Variants in MTCL1 observed in about 807,000 individuals in gnomAD.
MTCL1 encodes the protein microtubule crosslinking factor 1.
A neutral mutation model predicts 141.4 loss-of-function variants in MTCL1; 79 were observed. That is an observed-to-expected ratio of 0.56 (90% CI 0.47 to 0.67). The LOEUF (loss-of-function observed/expected upper bound fraction) is 0.67. Among genes scored for constraint, MTCL1 ranks in the 30% least tolerant of loss-of-function variants. MTCL1 has a pLI of 0.00. For synonymous variants in MTCL1, 914 were observed against 875.8 expected (o/e 1.04, Z -0.77); for missense variants, 2,177 against 2,113.9 (o/e 1.03, Z -0.59).
Position 8,779,002 on chromosome 18 carries a change from T to C in MTCL1, c.417+1110T>C, listed in dbSNP as rs1357192712. Among the ~76,000 whole-genome samples, 1 of 151,768 alleles carries C rather than the reference T, an allele frequency of 6.6e-6. No individual in the cohort carries two copies. The highest frequency in any genetic ancestry group is 1.9e-4 in the East Asian group (1 of 5,162). ...TGCGTTGAGCCGCCCACCCAGCCGG[T>C]GGGATTATTGAGGAAGGAGTTTCTG... On this transcript the variant is annotated intron_variant, in intron 5 of 16. Transcript: ENST00000359865. The surrounding 1 kb of genome is among the most constrained non-coding windows in gnomAD (Gnocchi z 4.1).
exon 6 of MTCL1, chr18:8,783,579 C>A (rs755811101): frequency 1.2e-6 from 2 of 1,612,308 alleles, no homozygotes; most frequent in African/African-American, 1.3e-5. Flanking sequence ...AAAGAGGAAG[C>A]CTTCCTGATG....
chr18:8,751,438 A>G (rs1027381188), intron 4 of MTCL1, among the ~76,000 whole-genome samples: 1 of 152,222 alleles, frequency 6.6e-6, no homozygotes, highest in East Asian at 1.9e-4. Context: ...GTTACTGCTC[A>G]AAAGTGGGCC....
At chr18:8,706,563 T>A in exon 1 of MTCL1, 1 of 1,417,452 alleles carries the variant, frequency 7.1e-7, no homozygotes, top group Non-Finnish European at 9.2e-7. Context: ...TGGCGGAGGA[T>A]GTCCGGGGGC....
exon 13 of MTCL1, chr18:8,819,158 G>A (rs769598700): frequency 1.2e-6 from 2 of 1,614,212 alleles, no homozygotes; most frequent in South Asian, 2.2e-5. Flanking sequence ...CAGGTGCTCG[G>A]CCAGTGAGAA....
At chr18:8,794,962 C>T (rs2075864645) in intron 8 of MTCL1, among the ~76,000 whole-genome samples, 2 of 152,220 alleles carry the variant, frequency 1.3e-5, no homozygotes, top group Non-Finnish European at 2.9e-5. Flanking sequence ...AAAAAGACCA[C>T]GTTGCCTTAT....
At chr18:8,786,267 G>A (rs902729886) in intron 7 of MTCL1, 176 bp downstream of exon 6, 3 of 769,940 alleles carry the variant, frequency 3.9e-6, no homozygotes, top group Non-Finnish European at 6.7e-6. Context: ...ACAGGCAGGT[G>A]TGCGCAGGTG....
chr18:8,736,222 C>T (rs912195255), intron 4 of MTCL1, among the ~76,000 whole-genome samples: 2 of 152,130 alleles, frequency 1.3e-5, no homozygotes, highest in African/African-American at 4.8e-5. Flanking sequence ...AACATGCAGC[C>T]TGATTTCAGA....
At chr18:8,713,703 G>A (rs1328651361), upstream of MTCL1, among the ~76,000 whole-genome samples, 1 of 152,130 alleles carries the variant, frequency 6.6e-6, no homozygotes, top group Non-Finnish European at 1.5e-5. Context: ...TGAAACACTG[G>A]CCCTGGTCCT....
At chr18:8,788,961 A>C (rs925985105) in intron 7 of MTCL1, among the ~76,000 whole-genome samples, 1 of 152,200 alleles carries the variant, frequency 6.6e-6, no homozygotes, top group African/African-American at 2.4e-5. Flanking sequence ...ATCAAATGTG[A>C]GACAATCACA....
intron 4 of MTCL1, among the ~76,000 whole-genome samples, chr18:8,769,209 T>C (rs1005977432): frequency 1.3e-5 from 2 of 152,232 alleles, no homozygotes; most frequent in African/African-American, 4.8e-5. Context: ...CTGTAGGGGT[T>C]TCTCAAATGT....
chr18:8,801,241 C>T (rs1435362617), intron 10 of MTCL1, among the ~76,000 whole-genome samples: 1 of 152,022 alleles, frequency 6.6e-6, no homozygotes, highest in East Asian at 1.9e-4. Context: ...TTTGCTTGCC[C>T]AAGATGAAAA....
chr18:8,742,685 C>T (rs1015395803), intron 4 of MTCL1, among the ~76,000 whole-genome samples: 6 of 152,286 alleles, frequency 3.9e-5, no homozygotes, highest in South Asian at 2.1e-4. Flanking sequence ...ACCACATCAC[C>T]GTCGTTTCCT....
chr18:8,825,257 T>G lies in MTCL1; in HGVS notation c.3747T>G (p.Tyr1249Ter), dbSNP rs1459356158. The change falls in exon 15 of 17, where the codon TAT becomes TAG. Residue 1249 changes from tyrosine (Y) to a stop codon, truncating the protein, a stop_gained. Transcript: ENST00000359865. LOFTEE classifies it high-confidence loss of function. ...CCTCCCCCAGGCACTCCCGGGACTA[T>G]GTGGAGGGGGCACGGCGCCCCCTTG... The G allele has an allele frequency of 6.3e-7, 1 of 1,587,946 alleles. No individual in the cohort carries two copies. Among genetic ancestry groups the G allele is most frequent in the East Asian group, 2.2e-5 (1 of 44,720 alleles).
intron 7 of MTCL1, chr18:8,789,751 A>T: frequency 2.1e-6 from 2 of 962,936 alleles, no homozygotes; most frequent in Non-Finnish European, 2.5e-6. Flanking sequence ...GGTTTTTTTT[A>T]GAATCAAACC....
intron 4 of MTCL1, among the ~76,000 whole-genome samples, chr18:8,740,975 A>T (rs1208880115): frequency 6.6e-6 from 1 of 152,208 alleles, no homozygotes; most frequent in Non-Finnish European, 1.5e-5. Context: ...TTTGCCTCTT[A>T]GGTCTTCTCA....
At chr18:8,805,833 A>C (rs2144096169) in intron 10 of MTCL1, among the ~76,000 whole-genome samples, 1 of 152,280 alleles carries the variant, frequency 6.6e-6, no homozygotes, top group Admixed American at 6.5e-5. Context: ...GTTGGAAGAG[A>C]TGGGCTCACG....
At chr18:8,714,132 T>C (rs1314079467), upstream of MTCL1, among the ~76,000 whole-genome samples, 4 of 152,240 alleles carry the variant, frequency 2.6e-5, no homozygotes, top group African/African-American at 9.6e-5. Flanking sequence ...TTGTTTCATT[T>C]GTCCAGGTTG....
chr18:8,758,801 A>G (rs768962440), intron 4 of MTCL1, among the ~76,000 whole-genome samples: 12 of 152,302 alleles, frequency 7.9e-5, no homozygotes, highest in Non-Finnish European at 1.6e-4. Flanking sequence ...AAGGAAACAA[A>G]ACTATTGTTG....
chr18:8,737,735 C>G (rs2096281536), intron 4 of MTCL1, among the ~76,000 whole-genome samples: 1 of 152,144 alleles, frequency 6.6e-6, no homozygotes, highest in Non-Finnish European at 1.5e-5. Flanking sequence ...GAAAGTAGCC[C>G]TTGACTACTT....
Sources: allele counts gnomAD v4.1 joint callset (sites outside exome capture counted in the v4.1 genomes callset), GRCh38; gene constraint gnomAD v4.1.1; non-coding constraint Gnocchi (gnomAD v3.1); transcripts MANE v1.5; gene names NCBI Gene and HGNC (gene_info 2026-07-23, HGNC 2026-07-21).